Variants in VIPR2 observed in about 807,000 individuals in gnomAD.
VIPR2 encodes the protein vasoactive intestinal peptide receptor 2, also known as vasoactive intestinal polypeptide receptor 2.
VIPR2 carries 48 observed loss-of-function variants against 58.0 expected under a neutral mutation model. The observed-to-expected ratio is 0.83, with a 90% CI of 0.66 to 1.05. The LOEUF (loss-of-function observed/expected upper bound fraction) is 1.05, where lower values mean the gene tolerates loss of function less well. VIPR2 is among the 50% of genes least tolerant of loss of function. VIPR2 has a pLI of 0.00. For missense variants in VIPR2, 534 were observed against 558.0 expected (o/e 0.96, Z 0.43); for synonymous variants, 243 against 235.2 (o/e 1.03, Z -0.30).
rs558065422 is a variant in VIPR2 at position 159,100,979 on chromosome 7, C to T, written c.357+2778G>A. On this transcript the variant is annotated intron_variant, in intron 4 of 12. Transcript: ENST00000262178. Reference sequence around the variant, plus strand: ...TTCCGACTGTTCCTGTGATAGTGAACGGGTCTCACGAGATCCGACGAGGCG... The same window carrying T: ...TTCCGACTGTTCCTGTGATAGTGAATGGGTCTCACGAGATCCGACGAGGCG... 4.8e-3 allele frequency among the ~76,000 whole-genome samples: 637 copies of T among 133,912 alleles called. 15 individuals are homozygous for T. The highest frequency in any genetic ancestry group is 0.018 in the African/African-American group (596 of 33,928). The allele number at this position is 133,912 out of a possible 152,430, so 87.9% of individuals were successfully genotyped here. A position where few individuals can be genotyped will look rare whatever the true frequency, so the allele number is the denominator to read the frequency against.
At chr7:159,117,983 T>C (rs964049383) in intron 2 of VIPR2, among the ~76,000 whole-genome samples, 1 of 152,244 alleles carries the variant, frequency 6.6e-6, no homozygotes, top group Non-Finnish European at 1.5e-5. Flanking sequence ...GCTTGACTTA[T>C]GTCTCAAGTG....
chr7:159,039,304 C>T (rs1017799839), intron 6 of VIPR2, among the ~76,000 whole-genome samples: 3 of 149,044 alleles, frequency 2.0e-5, no homozygotes, highest in South Asian at 2.1e-4. Flanking sequence ...ACTAAAAATA[C>T]ACACACACAC....
rs184349341 is a variant in VIPR2 at position 159,049,052 on chromosome 7, G to A, written c.456-5876C>T. ...ACTGCACCCTCTGTGGACTCTGAGC[G>A]TCCCTGTTCCTCTGCCAAGCACGCA... On this transcript the variant is annotated intron_variant, in intron 5 of 12. Coordinates refer to ENST00000262178, the MANE Select transcript of VIPR2 (RefSeq NM_003382.5). Among the ~76,000 whole-genome samples the A allele has an allele frequency of 2.2e-3, 340 of 152,148 alleles. 1 individual carries two copies. The highest frequency in any genetic ancestry group is 7.5e-3 in the African/African-American group (311 of 41,512).
intron 4 of VIPR2, among the ~76,000 whole-genome samples, chr7:159,088,782 C>T (rs1048983505): frequency 5.9e-5 from 9 of 152,380 alleles, no homozygotes; most frequent in Non-Finnish European, 7.3e-5. Flanking sequence ...AGCCTGGAAA[C>T]GCTGCTGGGA....
At chr7:159,077,292 G>A (rs527613450) in intron 4 of VIPR2, among the ~76,000 whole-genome samples, 2,089 of 148,142 alleles carry the variant, frequency 0.014, 4 homozygotes, top group African/African-American at 0.049. Context: ...GTACTACAGT[G>A]TGCCTGTTAT....
chr7:159,099,070 C>T lies in VIPR2; in HGVS notation c.357+4687G>A, dbSNP rs951814094. ...ATGTGCTGTTGCTTCGTCTTGGAAGCGAGTCCCTAAACCAACCAAGTATTC... is the reference window on the plus strand; with the variant it reads ...ATGTGCTGTTGCTTCGTCTTGGAAGTGAGTCCCTAAACCAACCAAGTATTC... On this transcript the variant is annotated intron_variant, in intron 4 of 12. Coordinates refer to ENST00000262178, the MANE Select transcript of VIPR2 (RefSeq NM_003382.5). This position sits in a 1 kb window ranked among gnomAD's most constrained non-coding sequence, Gnocchi z 4.2. 1.3e-5 allele frequency among the ~76,000 whole-genome samples: 2 copies of T among 152,226 alleles called. No homozygotes were observed. Among genetic ancestry groups the T allele is most frequent in the East Asian group, 1.9e-4 (1 of 5,194 alleles).
At position 159,034,177 on chromosome 7, in the gene VIPR2, C is replaced by T. The variant is rs1343045552; in HGVS notation, c.971+36G>A. On this transcript the variant is annotated intron_variant, in intron 10 of 12. Coordinates refer to ENST00000262178, the MANE Select transcript of VIPR2 (RefSeq NM_003382.5). ...GGGTCTCCTGTCTCCACACGGCATC[C>T]CCATCAGGGACGGCCAGGCCGGGAC... 15 of 1,606,416 alleles carry T rather than the reference C, an allele frequency of 9.3e-6. No homozygotes were observed. In the East Asian group the frequency reaches 3.4e-4, roughly 36 times the overall value.
At chr7:159,118,585 G>A (rs141076007) in intron 2 of VIPR2, among the ~76,000 whole-genome samples, 123 of 152,282 alleles carry the variant, frequency 8.1e-4, no homozygotes, top group African/African-American at 2.7e-3. Flanking sequence ...AAATGGAAAC[G>A]TAGCCGCCAT....
intron 3 of VIPR2, among the ~76,000 whole-genome samples, chr7:159,106,202 G>A (rs929763621): frequency 2.6e-4 from 39 of 152,212 alleles, no homozygotes; most frequent in African/African-American, 8.7e-4. Context: ...TCCTTCCTAC[G>A]GGAGATCAGT....
chr7:159,036,941 A>C (rs763296133), intron 6 of VIPR2, 39 bp from the exon 7 acceptor site: 10 of 1,589,182 alleles, frequency 6.3e-6, no homozygotes, highest in Non-Finnish European at 7.7e-6. Flanking sequence ...GCATGACCTC[A>C]TCCGGTAACA....
chr7:159,138,615 A>G (rs1797324920), intron 2 of VIPR2, among the ~76,000 whole-genome samples: 1 of 152,238 alleles, frequency 6.6e-6, no homozygotes. Flanking sequence ...TGCCAAATAC[A>G]TTGTTACACT....
chr7:159,032,942 G>A (rs1396156165), intron 10 of VIPR2, among the ~76,000 whole-genome samples: 1 of 152,006 alleles, frequency 6.6e-6, no homozygotes, highest in Non-Finnish European at 1.5e-5. Context: ...GCAGGGACAA[G>A]GTCATGCTGC....
intron 4 of VIPR2, among the ~76,000 whole-genome samples, chr7:159,066,694 A>G (rs1856112098): frequency 6.6e-6 from 1 of 152,262 alleles, no homozygotes; most frequent in Non-Finnish European, 1.5e-5. Context: ...ACTAGAGCTC[A>G]GTGATGATAT....
chr7:159,114,290 G>A (rs1394926620), intron 2 of VIPR2, among the ~76,000 whole-genome samples: 1 of 151,230 alleles, frequency 6.6e-6, no homozygotes, highest in Non-Finnish European at 1.5e-5. Flanking sequence ...GAGAAGGGGA[G>A]GCAGGCAGGG....
At chr7:159,069,482 C>G (rs1856270367) in intron 4 of VIPR2, among the ~76,000 whole-genome samples, 1 of 152,180 alleles carries the variant, frequency 6.6e-6, no homozygotes, top group African/African-American at 2.4e-5. Flanking sequence ...AATTGTCTGG[C>G]CAGTTATTTC....
At chr7:159,033,007 T>C (rs1317672332) in intron 10 of VIPR2, among the ~76,000 whole-genome samples, 3 of 151,960 alleles carry the variant, frequency 2.0e-5, no homozygotes, top group Non-Finnish European at 4.4e-5. Context: ...AGAGACGGGA[T>C]ACTCCCTGGA....
intron 5 of VIPR2, among the ~76,000 whole-genome samples, chr7:159,046,794 T>A (rs1221448573): frequency 2.0e-5 from 3 of 152,168 alleles, no homozygotes; most frequent in Non-Finnish European, 4.4e-5. Flanking sequence ...GAAAAATAAT[T>A]TTTGTCCAAA....
chr7:159,076,160 C>A (rs992285536), intron 4 of VIPR2, among the ~76,000 whole-genome samples: 1 of 152,014 alleles, frequency 6.6e-6, no homozygotes. Flanking sequence ...GGATCTTGTG[C>A]GTTTTTGGAA....
chr7:159,080,161 C>T (rs922761712), intron 4 of VIPR2, among the ~76,000 whole-genome samples: 18 of 151,924 alleles, frequency 1.2e-4, no homozygotes, highest in Non-Finnish European at 2.5e-4. Flanking sequence ...AGAGACACAA[C>T]AAAAAAAGAG....
Sources: gnomAD v4.1 joint callset for allele counts (sites outside exome capture counted in the v4.1 genomes callset) on GRCh38, gnomAD v4.1.1 for gene constraint, Gnocchi (gnomAD v3.1) non-coding constraint, MANE v1.5 for transcripts, NCBI Gene and HGNC (gene_info 2026-07-23, HGNC 2026-07-21) for gene names.